The following GHR variants were observed in gnomAD, a reference collection of about 807,000 sequenced individuals.
GHR encodes growth hormone receptor, also known as GH receptor.
GHR carries 35 observed loss-of-function variants against 67.1 expected under a neutral mutation model. The ratio of observed to expected loss-of-function variants is 0.52; its 90% CI spans 0.40 to 0.69. The LOEUF (loss-of-function observed/expected upper bound fraction) is 0.69, where lower values mean the gene tolerates loss of function less well. Ranked by LOEUF, GHR falls within the 30% of genes least tolerant of loss-of-function variation. The pLI, the probability that GHR is intolerant of heterozygous loss-of-function variation, is 0.00. For synonymous variants in GHR, 272 were observed against 269.1 expected (o/e 1.01, Z -0.10); for missense variants, 792 against 764.6 (o/e 1.04, Z -0.42).
chr5:42,671,652 A>AC (rs901914221), intron 3 of GHR, among the ~76,000 whole-genome samples: 25 of 151,362 alleles, frequency 1.7e-4, no homozygotes, highest in African/African-American at 6.0e-4. Flanking sequence ...AAAAAAAAAA[A>AC]AAAAAACCTT....
chr5:42,535,566 G>A (rs765591546), intron 1 of GHR, among the ~76,000 whole-genome samples: 23 of 152,136 alleles, frequency 1.5e-4, no homozygotes, highest in Non-Finnish European at 3.1e-4. Flanking sequence ...TGGCCTTAGA[G>A]TATAGTTTGA....
At chr5:42,653,353 G>A (rs1009038619) in intron 3 of GHR, among the ~76,000 whole-genome samples, 35 of 152,160 alleles carry the variant, frequency 2.3e-4, no homozygotes, top group Admixed American at 1.6e-3. Flanking sequence ...AATAAGCAAG[G>A]ATTCAAACTC....
intron 1 of GHR, among the ~76,000 whole-genome samples, chr5:42,555,328 T>C (rs1243340886): frequency 6.6e-6 from 1 of 152,218 alleles, no homozygotes; most frequent in Non-Finnish European, 1.5e-5. Flanking sequence ...TTATGAATTA[T>C]CACTGTCTTT....
At chr5:42,470,519 A>G (rs918485983) in intron 1 of GHR, among the ~76,000 whole-genome samples, 10 of 152,096 alleles carry the variant, frequency 6.6e-5, no homozygotes, top group Non-Finnish European at 1.2e-4. Flanking sequence ...CAGATGTTCT[A>G]TTGCTGTGTC....
intron 1 of GHR, among the ~76,000 whole-genome samples, chr5:42,428,142 G>T (rs1480653285): frequency 1.3e-5 from 2 of 152,218 alleles, no homozygotes; most frequent in Non-Finnish European, 2.9e-5. Flanking sequence ...ACTCTGCCTG[G>T]ACATCCAGGC....
chr5:42,705,172 C>T (rs1758116325), intron 6 of GHR, among the ~76,000 whole-genome samples: 1 of 151,758 alleles, frequency 6.6e-6, no homozygotes. Context: ...TCATTTATTT[C>T]TGTTCTGATC....
chr5:42,615,741 CAAAA>C (rs57137627), intron 2 of GHR, among the ~76,000 whole-genome samples: 2 of 130,828 alleles, frequency 1.5e-5, no homozygotes, highest in African/African-American at 2.7e-5. Context: ...AAACAAAAAA[CAAAA>C]AAAAAAAAAC....
chr5:42,641,968 CAA>C (rs1034996143), intron 3 of GHR, among the ~76,000 whole-genome samples: 3 of 151,968 alleles, frequency 2.0e-5, no homozygotes, highest in Non-Finnish European at 4.4e-5. Context: ...TTGGAAAAAC[CAA>C]AAGACTGAGA....
intron 1 of GHR, among the ~76,000 whole-genome samples, chr5:42,455,351 G>A (rs904862482): frequency 1.3e-5 from 2 of 152,088 alleles, no homozygotes; most frequent in Admixed American, 1.3e-4. Flanking sequence ...CACAGTCTGA[G>A]TCTCCACACA....
At chr5:42,640,235 G>A (rs1006451851) in intron 3 of GHR, among the ~76,000 whole-genome samples, 11 of 152,100 alleles carry the variant, frequency 7.2e-5, no homozygotes, top group African/African-American at 2.7e-4. Context: ...TGAGGACTTT[G>A]GGGTTTGGGG....
intron 3 of GHR, among the ~76,000 whole-genome samples, chr5:42,685,265 A>G (rs1757082720): frequency 1.3e-5 from 2 of 152,196 alleles, no homozygotes; most frequent in African/African-American, 4.8e-5. Flanking sequence ...CCTGCAAAGA[A>G]CATGAACTCA....
Position 42,719,575 on chromosome 5 carries a change from TATG to T in GHR, c.*155_*157del. 1.4e-6 allele frequency: 1 copy of T among 732,280 alleles called. No homozygotes were observed. Among genetic ancestry groups the T allele is most frequent in the South Asian group, 1.5e-5 (1 of 68,006 alleles). The allele number at this position is 732,280 out of a possible 1,614,324, so 45.4% of individuals were successfully genotyped here. ...AATGCCTTTTCCCAAAATGTTGAAA[TATG>T]ATGTTAAAAAAATAAGAAGAATGCT... On this transcript the variant is annotated 3_prime_UTR_variant, in exon 10 of 10. Transcript: ENST00000230882.
chr5:42,566,223 G>T (rs1579952206), intron 2 of GHR, among the ~76,000 whole-genome samples: 2 of 152,266 alleles, frequency 1.3e-5, no homozygotes, highest in Admixed American at 1.3e-4. Context: ...AGACAAGCCA[G>T]GTCTCTTGTT....
At chr5:42,438,286 C>T (rs1224185441) in intron 1 of GHR, among the ~76,000 whole-genome samples, 1 of 152,182 alleles carries the variant, frequency 6.6e-6, no homozygotes, top group African/African-American at 2.4e-5. Context: ...GCTGGTAAGT[C>T]GCACAGTGTA....
intron 1 of GHR, among the ~76,000 whole-genome samples, chr5:42,444,595 C>G (rs1485393195): frequency 6.6e-6 from 1 of 152,198 alleles, no homozygotes; most frequent in Admixed American, 6.5e-5. Context: ...TTTTCAGATT[C>G]CTGAGCCCAG....
rs900711637 is a variant in GHR at position 42,424,243 on chromosome 5, G to C, written c.-12+288G>C. On this transcript the variant is annotated intron_variant, in intron 1 of 9. Transcript: ENST00000230882. This position sits in a 1 kb window ranked among gnomAD's most constrained non-coding sequence, Gnocchi z 4.1. ...GTCTGGAAGTTGGTGAGGGCGGCAG[G>C]GAGTTGCGGGCGACAGACGAACCAT... 6.7e-6 allele frequency among the ~76,000 whole-genome samples: 1 copy of C among 149,008 alleles called. No individual in the cohort carries two copies. The highest frequency in any genetic ancestry group is 2.5e-5 in the African/African-American group (1 of 40,290).
intron 2 of GHR, among the ~76,000 whole-genome samples, chr5:42,623,085 A>T (rs1456304394): frequency 6.6e-6 from 1 of 152,206 alleles, no homozygotes; most frequent in Non-Finnish European, 1.5e-5. Context: ...AATAATGACA[A>T]AAACAATAAC....
At chr5:42,456,586 G>A (rs1276778625) in intron 1 of GHR, among the ~76,000 whole-genome samples, 1 of 152,172 alleles carries the variant, frequency 6.6e-6, no homozygotes, top group African/African-American at 2.4e-5. Context: ...TTGGGCTTAT[G>A]TTTCTGAGTG....
chr5:42,528,238 T>A (rs928536496), intron 1 of GHR, among the ~76,000 whole-genome samples: 1 of 151,982 alleles, frequency 6.6e-6, no homozygotes, highest in Non-Finnish European at 1.5e-5. Flanking sequence ...CTAAGAAAAA[T>A]ACATTAAAAA....
Sources: allele counts gnomAD v4.1 joint callset (sites outside exome capture counted in the v4.1 genomes callset), GRCh38; gene constraint gnomAD v4.1.1; non-coding constraint Gnocchi (gnomAD v3.1); transcripts MANE v1.5; gene names NCBI Gene and HGNC (gene_info 2026-07-23, HGNC 2026-07-21).